Variants in NTNG1 observed in about 807,000 individuals in gnomAD.
NTNG1 encodes netrin G1, also known as netrin-G1.
NTNG1 carries 16 observed loss-of-function variants against 54.0 expected under a neutral mutation model. The observed-to-expected ratio is 0.30, with a 90% CI of 0.20 to 0.45. The LOEUF is 0.45. Among genes scored for constraint, NTNG1 ranks in the 20% least tolerant of loss-of-function variants. The probability of loss-of-function intolerance (pLI) is 1.00; values close to 1 mark genes in which losing one functional copy is unlikely to be tolerated. For synonymous variants in NTNG1, 255 were observed against 263.1 expected (o/e 0.97, Z 0.30); for missense variants, 530 against 678.7 (o/e 0.78, Z 2.43).
intron 2 of NTNG1, among the ~76,000 whole-genome samples, chr1:107,272,505 G>T (rs3123373): frequency 0.066 from 10,085 of 152,106 alleles, 1,129 homozygotes; most frequent in African/African-American, 0.23. Flanking sequence ...CAGCCCTCCA[G>T]GGCATTTTGT....
intron 3 of NTNG1, among the ~76,000 whole-genome samples, chr1:107,382,526 T>C (rs1671712934): frequency 6.6e-6 from 1 of 152,256 alleles, no homozygotes; most frequent in South Asian, 2.1e-4. Flanking sequence ...ACTATAATTA[T>C]GACAGTGTCA....
At chr1:107,361,391 A>ATATATTTTTTTT (rs370815306) in intron 3 of NTNG1, among the ~76,000 whole-genome samples, 2 of 88,000 alleles carry the variant, frequency 2.3e-5, no homozygotes, top group South Asian at 4.0e-4. Flanking sequence ...ATATATATAT[A>ATATATTTTTTTT]TTTTTTTTTT....
chr1:107,327,930 A>G (rs1419151111), intron 3 of NTNG1, among the ~76,000 whole-genome samples: 2 of 152,084 alleles, frequency 1.3e-5, no homozygotes, highest in Non-Finnish European at 2.9e-5. Flanking sequence ...GTGTTTTTTA[A>G]TGGAAAAATA....
intron 2 of NTNG1, among the ~76,000 whole-genome samples, chr1:107,242,997 G>A (rs1661947263): frequency 1.3e-5 from 2 of 152,346 alleles, no homozygotes; most frequent in Admixed American, 1.3e-4. Context: ...TTACTTAGAG[G>A]TAAGGTTGCC....
intron 7 of NTNG1, among the ~76,000 whole-genome samples, chr1:107,452,136 T>A (rs1676665774): frequency 6.6e-6 from 1 of 152,170 alleles, no homozygotes; most frequent in South Asian, 2.1e-4. Context: ...GCTTGTAAAC[T>A]ACTAAGCACA....
At chr1:107,401,902 C>T (rs756183423) in intron 4 of NTNG1, among the ~76,000 whole-genome samples, 7 of 151,900 alleles carry the variant, frequency 4.6e-5, no homozygotes, top group Non-Finnish European at 8.8e-5. Context: ...TGATTATTGA[C>T]GTCATAGGAT....
chr1:107,429,563 T>C (rs1365071456), intron 5 of NTNG1, among the ~76,000 whole-genome samples: 1 of 151,994 alleles, frequency 6.6e-6, no homozygotes, highest in East Asian at 2.0e-4. Context: ...AATGAATGTG[T>C]TCAAATAATG....
intron 4 of NTNG1, among the ~76,000 whole-genome samples, chr1:107,406,945 C>T (rs1341538783): frequency 1.3e-5 from 2 of 152,114 alleles, no homozygotes; most frequent in African/African-American, 4.8e-5. Context: ...GGGTTAGATA[C>T]AGACTAAATT....
chr1:107,390,756 T>C (rs995653986), intron 3 of NTNG1, among the ~76,000 whole-genome samples: 1 of 152,180 alleles, frequency 6.6e-6, no homozygotes, highest in Non-Finnish European at 1.5e-5. Flanking sequence ...TTCAAGCACT[T>C]ATTATGTGCC....
At chr1:107,170,276 T>C (rs1384563064) in intron 2 of NTNG1, among the ~76,000 whole-genome samples, 1 of 152,148 alleles carries the variant, frequency 6.6e-6, no homozygotes, top group Non-Finnish European at 1.5e-5. Context: ...GAAGTAAAAA[T>C]GAAAGGGAGT....
chr1:107,246,149 T>TTA (rs1662181567), intron 2 of NTNG1, among the ~76,000 whole-genome samples: 1 of 152,152 alleles, frequency 6.6e-6, no homozygotes, highest in African/African-American at 2.4e-5. Flanking sequence ...CCTCCTGGGT[T>TTA]CATGCCATTC....
intron 2 of NTNG1, among the ~76,000 whole-genome samples, chr1:107,164,899 A>AG (rs1246032041): frequency 6.6e-6 from 1 of 152,120 alleles, no homozygotes; most frequent in Non-Finnish European, 1.5e-5. Context: ...TAGACAAGGG[A>AG]GGGGAAGGGG....
chr1:107,372,004 G>C (rs1223849928), intron 3 of NTNG1, among the ~76,000 whole-genome samples: 1 of 151,976 alleles, frequency 6.6e-6, no homozygotes, highest in Non-Finnish European at 1.5e-5. Context: ...TTTCAGATTT[G>C]AGGTGCTCAA....
At chr1:107,327,656 G>A (rs1668042486) in intron 3 of NTNG1, among the ~76,000 whole-genome samples, 1 of 150,690 alleles carries the variant, frequency 6.6e-6, no homozygotes, top group African/African-American at 2.4e-5. Flanking sequence ...GCCTTTACAT[G>A]TCTATATCTG....
intron 3 of NTNG1, among the ~76,000 whole-genome samples, chr1:107,391,499 A>G (rs926470826): frequency 6.6e-6 from 1 of 152,168 alleles, no homozygotes; most frequent in Non-Finnish European, 1.5e-5. Context: ...GCATTAGTCC[A>G]TTTGCACAGC....
chr1:107,275,913 A>G (rs1664444086), intron 2 of NTNG1, among the ~76,000 whole-genome samples: 1 of 152,086 alleles, frequency 6.6e-6, no homozygotes, highest in Admixed American at 6.5e-5. Context: ...CCCAAAACCA[A>G]TGGGCTCTAG....
At chr1:107,460,150 C>T (rs1329930872) in intron 7 of NTNG1, among the ~76,000 whole-genome samples, 1 of 152,174 alleles carries the variant, frequency 6.6e-6, no homozygotes, top group Non-Finnish European at 1.5e-5. Flanking sequence ...TCCTCAAGGG[C>T]AGAGTTTCAG....
At chr1:107,420,652 A>G (rs1295007460) in intron 5 of NTNG1, among the ~76,000 whole-genome samples, 1 of 151,986 alleles carries the variant, frequency 6.6e-6, no homozygotes, top group African/African-American at 2.4e-5. Context: ...TAGGATGCCT[A>G]ATTAGTTCAA....
At chr1:107,435,228 T>C (rs1053029296) in intron 6 of NTNG1, among the ~76,000 whole-genome samples, 1 of 152,158 alleles carries the variant, frequency 6.6e-6, no homozygotes, top group Non-Finnish European at 1.5e-5. Flanking sequence ...AATGTGCCTA[T>C]GTACAGACAA....
Sources: allele counts gnomAD v4.1 joint callset (sites outside exome capture counted in the v4.1 genomes callset), GRCh38; gene constraint gnomAD v4.1.1; transcripts MANE v1.5; gene names NCBI Gene and HGNC (gene_info 2026-07-23, HGNC 2026-07-21).